The following LBP variants were observed in gnomAD, a reference collection of about 807,000 sequenced individuals.
The protein encoded by LBP is lipopolysaccharide binding protein.
In LBP, 53 loss-of-function variants were observed where a neutral mutation model predicts 56.6. The ratio of observed to expected loss-of-function variants is 0.94; its 90% CI spans 0.75 to 1.18. LBP has a LOEUF of 1.18. Ranked by LOEUF, LBP falls within the 50% of genes most tolerant of loss-of-function variation. The pLI is 0.00. For missense variants in LBP, 601 were observed against 598.3 expected (o/e 1.00, Z -0.05); for synonymous variants, 227 against 247.5 (o/e 0.92, Z 0.78).
In LBP at chr20:38,370,871, C is replaced by T. The variant is rs553180178; in HGVS notation, c.1217+66C>T. On this transcript the variant is annotated intron_variant, in intron 11 of 14. Coordinates refer to ENST00000217407, the MANE Select transcript of LBP (RefSeq NM_004139.5). ...CTCCATCTGTATGCTGTAGCTGCTTCTCTGTAGCTGGTGGGAGGGGGGGCC... is the reference window on the plus strand; with the variant it reads ...CTCCATCTGTATGCTGTAGCTGCTTTTCTGTAGCTGGTGGGAGGGGGGGCC... 4 of 1,308,126 alleles carry T rather than the reference C, an allele frequency of 3.1e-6. No individual in the cohort carries two copies. The South Asian group carries it at 4.7e-5, about 15-fold the overall frequency. The allele number at this position is 1,308,126 out of a possible 1,614,324, so 81.0% of individuals were successfully genotyped here. A position where few individuals can be genotyped will look rare whatever the true frequency, so the allele number is the denominator to read the frequency against.
At chr20:38,370,987 G>A (rs545766743) in intron 11 of LBP, among the ~76,000 whole-genome samples, 182 bp downstream of exon 11, 13 of 152,300 alleles carry the variant, frequency 8.5e-5, no homozygotes, top group African/African-American at 2.9e-4. Context: ...AATTGTTAAA[G>A]AATTCACTAA....
At chr20:38,356,299 C>T (rs2076839491) in intron 5 of LBP, among the ~76,000 whole-genome samples, 1 of 138,594 alleles carries the variant, frequency 7.2e-6, no homozygotes, top group African/African-American at 2.7e-5. Flanking sequence ...CACACACACC[C>T]TACACACACA....
rs1456117567 is a variant in LBP at position 38,376,583 on chromosome 20, G to C, written c.1402-42G>C. On this transcript the variant is annotated intron_variant, in intron 14 of 14. Transcript: ENST00000217407. ...ATCGCAGATGCATCTTTTTGGAGTA[G>C]AGGATGCTCTTTACCATCCTGTCCT... The C allele has an allele frequency of 5.1e-6, 8 of 1,566,336 alleles. No homozygotes were observed. In the African/African-American group the frequency reaches 1.1e-4, roughly 21 times the overall value.
At chr20:38,376,493 G>T (rs534907697) in intron 14 of LBP, 132 bp from the exon 15 acceptor site, 6 of 798,238 alleles carry the variant, frequency 7.5e-6, no homozygotes, top group East Asian at 2.5e-5. Context: ...AGGCACACTC[G>T]CAATTTATGC....
chr20:38,350,990 C>A, intron 3 of LBP, 51 bp downstream of exon 3: 1 of 1,594,608 alleles, frequency 6.3e-7, no homozygotes, highest in South Asian at 1.1e-5. Flanking sequence ...TGGCCTTCGC[C>A]CCATCCTTCT....
intron 5 of LBP, among the ~76,000 whole-genome samples, chr20:38,356,847 C>G (rs2076842872): frequency 6.6e-6 from 1 of 151,860 alleles, no homozygotes; most frequent in South Asian, 2.1e-4. Context: ...GTGCACAGTC[C>G]CTCTGGATCT....
chr20:38,364,617 C>A lies in LBP; in HGVS notation c.786C>A (p.Leu262=). The A allele has an allele frequency of 6.2e-7, 1 of 1,614,150 alleles. No homozygotes were observed. ...GTAACCACCGTTCTCCAGTTACCCT[C>A]CTTGCTGCAGTCATGAGCCTTCCTG... ...FHRNHRSPVT[L]LAAVMSLPEE... is the part of the protein sequence containing the mutation. Residue 262 remains leucine, a synonymous_variant, in exon 8 of 15, where the codon CTC becomes CTA. Transcript: ENST00000217407.
At chr20:38,362,003 A>G (rs1330541449) in intron 6 of LBP, among the ~76,000 whole-genome samples, 1 of 150,854 alleles carries the variant, frequency 6.6e-6, no homozygotes, top group Non-Finnish European at 1.5e-5. Flanking sequence ...CAACTTTAAA[A>G]TATGAGGTCA....
intron 5 of LBP, among the ~76,000 whole-genome samples, chr20:38,356,454 A>ACACC (rs1568829321): frequency 9.9e-6 from 1 of 101,340 alleles, no homozygotes; most frequent in Non-Finnish European, 1.9e-5. Flanking sequence ...ACACACACAC[A>ACACC]CCCTCGTCTG....
intron 6 of LBP, 113 bp downstream of exon 6, chr20:38,360,880 G>A: frequency 1.3e-6 from 1 of 786,094 alleles, no homozygotes; most frequent in South Asian, 1.9e-5. Flanking sequence ...TAAAAATTAA[G>A]GGCCAGGCGC....
intron 7 of LBP, 138 bp from the exon 8 acceptor site, chr20:38,364,438 C>G (rs920040705): frequency 3.3e-5 from 27 of 817,858 alleles, no homozygotes; most frequent in Non-Finnish European, 4.0e-6. Flanking sequence ...CATTAAAAGA[C>G]ATAACACTGC....
chr20:38,367,996 A>G (rs549446522), intron 9 of LBP, among the ~76,000 whole-genome samples: 1 of 152,258 alleles, frequency 6.6e-6, no homozygotes, highest in East Asian at 1.9e-4. Flanking sequence ...GTTCAAGACC[A>G]ACCTGGACAA....
intron 6 of LBP, 32 bp downstream of exon 6, chr20:38,360,799 T>C (rs1758602728): frequency 2.7e-6 from 4 of 1,499,844 alleles, no homozygotes; most frequent in Non-Finnish European, 2.8e-6. Context: ...GGGACACTTT[T>C]ATTTCTGTTA....
At chr20:38,355,609 T>C (rs2122601875) in intron 5 of LBP, among the ~76,000 whole-genome samples, 200 bp downstream of exon 5, 1 of 152,236 alleles carries the variant, frequency 6.6e-6, no homozygotes, top group Admixed American at 6.5e-5. Flanking sequence ...GTCCGTTCGG[T>C]TGGGCAGAAA....
intron 3 of LBP, among the ~76,000 whole-genome samples, chr20:38,353,614 A>G (rs1264260930): frequency 6.7e-6 from 1 of 149,050 alleles, no homozygotes; most frequent in Non-Finnish European, 1.5e-5. Context: ...GCCAAAGAGT[A>G]TGTATGTTAG....
intron 3 of LBP, among the ~76,000 whole-genome samples, chr20:38,353,511 ACTGCCTATGATGCTTCAGTGAG>A (rs2076827986): frequency 1.1e-5 from 1 of 92,242 alleles, no homozygotes; most frequent in Non-Finnish European, 2.0e-5. Flanking sequence ...TTTTTTTGCT[ACTGCCTATGATGCTTCAGTGAG>A]CTGCCCCACA....
chr20:38,355,755 C>T (rs953985710), intron 5 of LBP, among the ~76,000 whole-genome samples: 29 of 152,082 alleles, frequency 1.9e-4, no homozygotes, highest in Non-Finnish European at 2.9e-5. Flanking sequence ...ATTCCTCAGG[C>T]GCCTGCAAGA....
chr20:38,364,000 C>CG lies in LBP; in HGVS notation c.679dup (p.Asp227GlyfsTer3). On this transcript the variant is annotated frameshift_variant, in exon 7 of 15. Coordinates refer to ENST00000217407, the MANE Select transcript of LBP (RefSeq NM_004139.5). LOFTEE classifies it high-confidence loss of function. ...TTACAACAGAGATTGACAGTTTCGC[C>CG]GACATTGATTATAGCTTAGTGGAAG... 6.2e-7 allele frequency: 1 copy of CG among 1,613,776 alleles called. No homozygotes were observed. The highest frequency in any genetic ancestry group is 8.5e-7 in the Non-Finnish European group (1 of 1,179,730).
intron 13 of LBP, 121 bp from the exon 14 acceptor site, chr20:38,373,816 T>C (rs2076908845): frequency 5.9e-6 from 5 of 852,488 alleles, no homozygotes; most frequent in Non-Finnish European, 9.5e-6. Flanking sequence ...CTCATAGTCT[T>C]GGAAATCACT....
Sources: allele counts gnomAD v4.1 joint callset (sites outside exome capture counted in the v4.1 genomes callset), GRCh38; gene constraint gnomAD v4.1.1; transcripts MANE v1.5; gene names NCBI Gene and HGNC (gene_info 2026-07-23, HGNC 2026-07-21).